The following ARHGEF3 variants were observed in gnomAD, a reference collection of about 807,000 sequenced individuals.
ARHGEF3 encodes the protein 59.8 kDA protein.
A neutral mutation model predicts 63.2 loss-of-function variants in ARHGEF3; 28 were observed. The ratio of observed to expected loss-of-function variants is 0.44; its 90% CI spans 0.33 to 0.61. The LOEUF is 0.61. Among genes scored for constraint, ARHGEF3 ranks in the 20% least tolerant of loss-of-function variants. The pLI is 0.03. For synonymous variants in ARHGEF3, 266 were observed against 254.2 expected, an observed-to-expected ratio of 1.05 and a Z score of -0.44; for missense variants, 533 against 659.3, an observed-to-expected ratio of 0.81 and a Z score of 2.10.
At chr3:56,948,673 G>T (rs568575703) in intron 3 of ARHGEF3, among the ~76,000 whole-genome samples, 10 of 152,294 alleles carry the variant, frequency 6.6e-5, no homozygotes, top group African/African-American at 2.4e-4. Flanking sequence ...GGACCAGATG[G>T]ATTCACAGCC....
intron 1 of ARHGEF3, among the ~76,000 whole-genome samples, chr3:57,044,778 C>T (rs1036391455): frequency 2.0e-4 from 30 of 152,162 alleles, no homozygotes; most frequent in African/African-American, 6.0e-4. Context: ...TCCCAGGATA[C>T]GAGGCTTGGT....
At chr3:56,859,382 G>A (rs569848126) in intron 4 of ARHGEF3, among the ~76,000 whole-genome samples, 11 of 151,840 alleles carry the variant, frequency 7.2e-5, no homozygotes, top group Admixed American at 3.3e-4. Flanking sequence ...CTCGTGATCC[G>A]CCTACCTCGG....
intron 3 of ARHGEF3, among the ~76,000 whole-genome samples, chr3:56,930,048 C>T (rs935410669): frequency 1.3e-5 from 2 of 152,178 alleles, no homozygotes; most frequent in South Asian, 4.2e-4. Context: ...ACTACCAGCC[C>T]CCCCCTCCCA....
chr3:57,031,421 C>CTA (rs1703729532), intron 2 of ARHGEF3, among the ~76,000 whole-genome samples: 2 of 152,162 alleles, frequency 1.3e-5, no homozygotes, highest in Non-Finnish European at 2.9e-5. Flanking sequence ...TGGGTACTGA[C>CTA]TATATGCCAG....
rs558583520 is a variant in ARHGEF3 at position 57,057,379 on chromosome 3, G to A, written c.-28+21847C>T. 8.5e-5 allele frequency among the ~76,000 whole-genome samples: 13 copies of A among 152,260 alleles called. No individual in the cohort carries two copies. The South Asian group carries it at 2.7e-3, about 32-fold the overall frequency. On this transcript the variant is annotated intron_variant, in intron 1 of 12. Coordinates refer to the ARHGEF3 transcript ENST00000338458. ...GACTGCCTTGGCCTCCCAAAATGCT[G>A]GGATTAGCTGTGAGCCACCGCGCCC...
chr3:56,979,723 A>G (rs1026401807), intron 2 of ARHGEF3, among the ~76,000 whole-genome samples: 73 of 152,358 alleles, frequency 4.8e-4, no homozygotes, highest in African/African-American at 1.7e-3. Context: ...CCAGCCAACG[A>G]GGATGTGAAT....
chr3:57,039,851 C>T (rs191036601), intron 1 of ARHGEF3, among the ~76,000 whole-genome samples: 11 of 152,286 alleles, frequency 7.2e-5, no homozygotes, highest in Admixed American at 7.2e-4. Flanking sequence ...TCTCCCCATG[C>T]CAAGATCCTT....
intron 2 of ARHGEF3, among the ~76,000 whole-genome samples, chr3:56,763,989 C>T (rs1031191221): frequency 7.2e-5 from 11 of 152,212 alleles, no homozygotes; most frequent in African/African-American, 2.2e-4. Flanking sequence ...ACAATGAACA[C>T]TGAGTTAGAA....
At chr3:57,069,759 C>T (rs948065830) in intron 1 of ARHGEF3, among the ~76,000 whole-genome samples, 13 of 152,174 alleles carry the variant, frequency 8.5e-5, no homozygotes, top group African/African-American at 2.4e-4. Flanking sequence ...ATCCTCCCAC[C>T]TTAGCCTTCC....
chr3:56,941,627 C>T (rs1319786382), intron 3 of ARHGEF3, among the ~76,000 whole-genome samples: 1 of 152,040 alleles, frequency 6.6e-6, no homozygotes, highest in Non-Finnish European at 1.5e-5. Context: ...AATTATTCTA[C>T]GTGTATTATT....
At chr3:56,855,349 C>T (rs2039832138) in intron 4 of ARHGEF3, among the ~76,000 whole-genome samples, 1 of 152,156 alleles carries the variant, frequency 6.6e-6, no homozygotes, top group South Asian at 2.1e-4. Flanking sequence ...CTTTTCAAAA[C>T]ACTCATTTGG....
intron 3 of ARHGEF3, among the ~76,000 whole-genome samples, chr3:56,923,075 T>TATAA (rs1560053971): frequency 6.3e-5 from 8 of 127,730 alleles, no homozygotes; most frequent in African/African-American, 1.6e-4. Context: ...TATATATATA[T>TATAA]AAATTAGTTG....
intron 1 of ARHGEF3, among the ~76,000 whole-genome samples, chr3:56,777,513 T>C (rs2036342049): frequency 6.6e-6 from 1 of 152,232 alleles, no homozygotes; most frequent in Non-Finnish European, 1.5e-5. Context: ...CAATGATTTT[T>C]ATCCTCTCCT....
Position 56,801,817 on chromosome 3 carries a change from C to A in ARHGEF3, c.-19G>T. The A allele has an allele frequency of 6.4e-7, 1 of 1,554,592 alleles. No homozygotes were observed. Among genetic ancestry groups the A allele is most frequent in the East Asian group, 2.4e-5 (1 of 41,430 alleles). On this transcript the variant is annotated 5_prime_UTR_variant, in exon 1 of 10. Transcript: ENST00000296315. ...CCACCATGGCGGCTGCCGGGCCTGCCCTTTGGGATGTCACCGCTGACCCTA... is the reference window on the plus strand; with the variant it reads ...CCACCATGGCGGCTGCCGGGCCTGCACTTTGGGATGTCACCGCTGACCCTA...
At chr3:56,826,516 A>C (rs760149211) in intron 4 of ARHGEF3, among the ~76,000 whole-genome samples, 3 of 152,236 alleles carry the variant, frequency 2.0e-5, no homozygotes, top group Non-Finnish European at 4.4e-5. Flanking sequence ...CACTTTGGCC[A>C]AAAACAAACC....
chr3:56,778,502 G>C (rs1008491848), intron 1 of ARHGEF3, among the ~76,000 whole-genome samples: 1 of 152,130 alleles, frequency 6.6e-6, no homozygotes, highest in Non-Finnish European at 1.5e-5. Flanking sequence ...ATTTATTTAT[G>C]AACACTAAAA....
intron 4 of ARHGEF3, among the ~76,000 whole-genome samples, chr3:56,854,772 TG>T (rs1449162185): frequency 9.5e-5 from 2 of 21,054 alleles, no homozygotes; most frequent in South Asian, 1.9e-3. Context: ...CCTAGAGGGG[TG>T]GGGGGGTTGG....
intron 4 of ARHGEF3, among the ~76,000 whole-genome samples, chr3:56,863,378 C>A (rs1462204083): frequency 2.6e-5 from 4 of 151,788 alleles, no homozygotes; most frequent in Non-Finnish European, 5.9e-5. Context: ...TGGCTCACTG[C>A]AACCTCTAAA....
intron 2 of ARHGEF3, among the ~76,000 whole-genome samples, chr3:56,964,428 C>G (rs893037835): frequency 6.6e-6 from 1 of 151,920 alleles, no homozygotes; most frequent in African/African-American, 2.4e-5. Context: ...TAGCTGAATC[C>G]TCTTTCCAGC....
Sources: allele counts gnomAD v4.1 joint callset (sites outside exome capture counted in the v4.1 genomes callset), GRCh38; gene constraint gnomAD v4.1.1; transcripts MANE v1.5; gene names NCBI Gene and HGNC (gene_info 2026-07-23, HGNC 2026-07-21).